Variants in SMURF1 observed in about 807,000 individuals in gnomAD.
SMURF1 encodes E3 ubiquitin-protein ligase SMURF1.
In SMURF1, 44 loss-of-function variants were observed where a neutral mutation model predicts 98.0. The observed-to-expected ratio is 0.45, with a 90% CI of 0.35 to 0.58. SMURF1 has a LOEUF of 0.58. Among genes scored for constraint, SMURF1 ranks in the 20% least tolerant of loss-of-function variants. The probability of loss-of-function intolerance (pLI) is 0.00; values close to 1 mark genes in which losing one functional copy is unlikely to be tolerated. For synonymous variants in SMURF1, 396 were observed against 374.9 expected, an observed-to-expected ratio of 1.06 and a Z score of -0.65; for missense variants, 687 against 938.4, an observed-to-expected ratio of 0.73 and a Z score of 3.50.
chr7:99,127,903 T>A (rs939090432), intron 1 of SMURF1, among the ~76,000 whole-genome samples: 13 of 152,188 alleles, frequency 8.5e-5, no homozygotes, highest in Non-Finnish European at 1.9e-4. Context: ...CGCTACTACA[T>A]AGGCGATACG....
chr7:99,099,839 G>A (rs888256402), intron 1 of SMURF1, among the ~76,000 whole-genome samples: 8 of 152,130 alleles, frequency 5.3e-5, no homozygotes, highest in African/African-American at 1.9e-4. Flanking sequence ...AGTTAAAACA[G>A]TCTAAGGCCC....
intron 1 of SMURF1, among the ~76,000 whole-genome samples, chr7:99,114,309 TAGA>T (rs1039897875): frequency 4.0e-5 from 6 of 151,846 alleles, no homozygotes; most frequent in Non-Finnish European, 7.4e-5. Flanking sequence ...AGGTTGAAAA[TAGA>T]AGGATAGAAA....
intron 1 of SMURF1, 61 bp downstream of exon 1, chr7:99,143,665 G>A (rs1166897683): frequency 2.8e-6 from 4 of 1,441,034 alleles, no homozygotes; most frequent in Non-Finnish European, 3.7e-6. Context: ...GGCGCCCTGC[G>A]GGGAATTCCG....
intron 1 of SMURF1, among the ~76,000 whole-genome samples, chr7:99,101,846 A>C (rs1048317770): frequency 2.0e-5 from 3 of 152,066 alleles, no homozygotes; most frequent in Non-Finnish European, 4.4e-5. Flanking sequence ...GAGGCAGGAG[A>C]ATCATTTGAA....
At chr7:99,103,272 G>C (rs188127320) in intron 1 of SMURF1, among the ~76,000 whole-genome samples, 1 of 152,076 alleles carries the variant, frequency 6.6e-6, no homozygotes, top group Admixed American at 6.5e-5. Flanking sequence ...GTATACATAC[G>C]CCTGTGTTCA....
At chr7:99,137,942 G>GT (rs1409236909) in intron 1 of SMURF1, among the ~76,000 whole-genome samples, 1 of 152,176 alleles carries the variant, frequency 6.6e-6, no homozygotes, top group East Asian at 1.9e-4. Context: ...ATGTGCTTTT[G>GT]TTTTTTAAAC....
At chr7:99,034,239 C>T (rs992806747) in intron 16 of SMURF1, among the ~76,000 whole-genome samples, 1 of 152,222 alleles carries the variant, frequency 6.6e-6, no homozygotes, top group Non-Finnish European at 1.5e-5. Context: ...CATTCAGTGC[C>T]CTCCCACAGC....
chr7:99,135,527 T>TC (rs201784476), intron 1 of SMURF1, among the ~76,000 whole-genome samples: 4,013 of 152,206 alleles, frequency 0.026, 81 homozygotes, highest in Non-Finnish European at 0.039. Flanking sequence ...TCATGCTTTT[T>TC]CCCCCCACTC....
At chr7:99,097,529 CAT>C (rs1052167543) in intron 1 of SMURF1, among the ~76,000 whole-genome samples, 15 of 152,312 alleles carry the variant, frequency 9.8e-5, no homozygotes, top group Non-Finnish European at 1.5e-4. Flanking sequence ...CTCTCTCACA[CAT>C]GTTCTCTTGC....
intron 12 of SMURF1, among the ~76,000 whole-genome samples, chr7:99,041,401 C>CA (rs769817730): frequency 1.5e-3 from 233 of 151,780 alleles, no homozygotes; most frequent in Non-Finnish European, 2.0e-3. Context: ...GACTCTCTCT[C>CA]AAAAAAAAGA....
chr7:99,130,104 G>A (rs1797837969), intron 1 of SMURF1, among the ~76,000 whole-genome samples: 1 of 152,084 alleles, frequency 6.6e-6, no homozygotes, highest in Admixed American at 6.6e-5. Flanking sequence ...GTTATCTCTA[G>A]AGAAATAATT....
At position 99,030,119 on chromosome 7, in the gene SMURF1, A is replaced by AAGAT. The variant is rs1794824399; in HGVS notation, c.*461_*464dup. 6.4e-6 allele frequency: 1 copy of AAGAT among 156,780 alleles called. No individual in the cohort carries two copies. Among genetic ancestry groups the AAGAT allele is most frequent in the African/African-American group, 2.4e-5 (1 of 41,524 alleles). The allele number at this position is 156,780 out of a possible 1,614,324, so 9.7% of individuals were successfully genotyped here. On this transcript the variant is annotated 3_prime_UTR_variant, in exon 18 of 18. Coordinates refer to ENST00000361368, the MANE Select transcript of SMURF1 (RefSeq NM_181349.3). ...TGAAATCTGGAATCTGAGCTCTGAT[A>AAGAT]AGATATCTAGCAGCTGCTCAAATTG...
At chr7:99,045,826 G>C (rs748695036) in intron 10 of SMURF1, 25 bp from the exon 11 acceptor site, 6 of 1,538,610 alleles carry the variant, frequency 3.9e-6, no homozygotes, top group Middle Eastern at 1.7e-4. Flanking sequence ...CACAGTTTCA[G>C]AGAGAAGAAC....
chr7:99,047,739 T>G lies in SMURF1; in HGVS notation c.1097A>C (p.Gln366Pro). ...GCGGCAATGACCAGCTTGGGGCTGC[T>G]GAAGCGACAGTTCGTGTCTGAGGAC... is the stretch of plus-strand genomic sequence containing the variant. ...LKVLRHELSL[Q>P]QPQAGHCRIE... is the part of the protein sequence containing the mutation. Residue 366 changes from glutamine (Q) to proline (P), a missense_variant, in exon 10 of 18, where the codon CAG becomes CCG. Around this residue, in one of 2 missense-constraint regions of SMURF1, gnomAD observed 415 missense variants for 508.4 expected, o/e 0.82. Transcript: ENST00000361368. The G allele has an allele frequency of 6.2e-7, 1 of 1,614,110 alleles. No homozygotes were observed. The highest frequency in any genetic ancestry group is 2.2e-5 in the East Asian group (1 of 44,900).
chr7:99,141,985 C>T (rs1798129081), intron 1 of SMURF1, among the ~76,000 whole-genome samples: 1 of 152,206 alleles, frequency 6.6e-6, no homozygotes, highest in Non-Finnish European at 1.5e-5. Flanking sequence ...AGTCCCGGAG[C>T]AGAGCCGCAT....
Position 99,057,459 on chromosome 7 carries a change from C to T in SMURF1, c.296G>A (p.Arg99Gln), listed in dbSNP as rs1238372679. The T allele has an allele frequency of 6.2e-7, 1 of 1,604,146 alleles. No homozygotes were observed. Residue 99 changes from arginine to glutamine, a missense_variant, in exon 4 of 18, where the codon CGG becomes CAG. This residue lies in a region of SMURF1 where 415 missense variants were observed against 508.4 expected (regional missense o/e 0.82). Coordinates refer to ENST00000361368, the MANE Select transcript of SMURF1 (RefSeq NM_181349.3). ...TCTGCTGATGGCATTGGAGAGCAGCCGCACACAGCCCAGGAAGCCAGCTCC... is the reference window on the plus strand; with the variant it reads ...TCTGCTGATGGCATTGGAGAGCAGCTGCACACAGCCCAGGAAGCCAGCTCC... The part of the protein sequence containing the change: ...KQGAGFLGCV[R>Q]LLSNAISRLK...
At chr7:99,081,005 C>T (rs748142974) in intron 1 of SMURF1, 7 of 152,310 alleles carry the variant, frequency 4.6e-5, no homozygotes, top group Admixed American at 1.3e-4. Flanking sequence ...ATCTGAATGA[C>T]TGGGTGGAAA....
intron 11 of SMURF1, among the ~76,000 whole-genome samples, chr7:99,042,799 G>T (rs971037907): frequency 2.6e-5 from 4 of 152,134 alleles, no homozygotes; most frequent in African/African-American, 4.8e-5. Context: ...TCAACGGATC[G>T]CATTAAGATA....
intron 1 of SMURF1, among the ~76,000 whole-genome samples, chr7:99,069,520 T>C (rs1041918466): frequency 2.0e-5 from 3 of 152,128 alleles, no homozygotes; most frequent in African/African-American, 7.2e-5. Flanking sequence ...CCACCACCCC[T>C]GACTAATTTT....
Sources: allele counts gnomAD v4.1 joint callset (sites outside exome capture counted in the v4.1 genomes callset), GRCh38; gene constraint gnomAD v4.1.1; regional missense constraint gnomAD v4.1.1; transcripts MANE v1.5; gene names NCBI Gene and HGNC (gene_info 2026-07-23, HGNC 2026-07-21).